Variants in FANCA observed in about 807,000 individuals in gnomAD.
FANCA encodes the protein Fanconi anemia group A protein.
FANCA carries 236 observed loss-of-function variants against 194.3 expected under a neutral mutation model. The observed-to-expected ratio is 1.21, with a 90% CI of 1.09 to 1.35. The LOEUF is 1.35. Ranked by LOEUF, FANCA falls within the 40% of genes most tolerant of loss-of-function variation. The pLI is 0.00. For synonymous variants in FANCA, 1,014 were observed against 715.8 expected (o/e 1.42, Z -6.65); for missense variants, 2,628 against 1,813.9 (o/e 1.45, Z -8.15).
intron 3 of FANCA, among the ~76,000 whole-genome samples, chr16:89,812,820 G>C (rs2040949895): frequency 6.6e-6 from 1 of 151,464 alleles, no homozygotes; most frequent in Admixed American, 6.6e-5. Context: ...CGATCACGAG[G>C]TCAGGAGTTT....
chr16:89,811,035 AC>A lies in FANCA; in HGVS notation c.319del (p.Val107PhefsTer31), dbSNP rs1411237340. 2 of 1,614,006 alleles carry A rather than the reference AC, an allele frequency of 1.2e-6. No homozygotes were observed. Among genetic ancestry groups the A allele is most frequent in the South Asian group, 1.1e-5 (1 of 91,084 alleles). ...ALQDQASRLG[V>X]PVGILSAGMV... The stretch of plus-strand genomic sequence containing the variant: ...CCCGGCTGAGAGAATACCCACGGGA[AC>A]CCCCAGCCTTGAGGCTTGATCCTGC... On this transcript the variant is annotated frameshift_variant, in exon 4 of 43. Transcript: ENST00000389301. LOFTEE classifies it high-confidence loss of function.
chr16:89,808,678 C>A (rs981043382), intron 5 of FANCA, among the ~76,000 whole-genome samples: 1 of 152,196 alleles, frequency 6.6e-6, no homozygotes, highest in Non-Finnish European at 1.5e-5. Context: ...CACAGTATTA[C>A]ACACACTGAC....
Position 89,740,686 on chromosome 16 carries a change from C to T in FANCA, c.3828+118G>A, listed in dbSNP as rs528172368. On this transcript the variant is annotated intron_variant, in intron 38 of 42. Transcript: ENST00000389301. ...GCCTGGGAGTTCTCACTCACACTTC[C>T]GCAAACACAAGGAGCTCCTGAGCTA... 4.7e-5 allele frequency: 38 copies of T among 808,044 alleles called. 1 individual carries two copies. The highest frequency in any genetic ancestry group is 2.4e-4 in the Middle Eastern group (1 of 4,126). 50.1% of individuals were successfully genotyped at this position (808,044 alleles called of 1,614,324 possible).
At chr16:89,764,772 C>G in intron 28 of FANCA, 118 bp downstream of exon 28, 1 of 1,213,848 alleles carries the variant, frequency 8.2e-7, no homozygotes, top group South Asian at 1.2e-5. Context: ...AGACTCGGGA[C>G]GTGGCATGAT....
chr16:89,774,637 G>C (rs1598118680), intron 21 of FANCA, among the ~76,000 whole-genome samples: 1 of 149,036 alleles, frequency 6.7e-6, no homozygotes, highest in Admixed American at 6.9e-5. Flanking sequence ...GGCTGAGGCA[G>C]GAGAATGGCA....
At chr16:89,764,071 G>A (rs567775541) in intron 28 of FANCA, among the ~76,000 whole-genome samples, 12 of 150,132 alleles carry the variant, frequency 8.0e-5, no homozygotes, top group African/African-American at 2.7e-4. Flanking sequence ...GTGAAACCCC[G>A]TCTGTACTAA....
rs1400810917 is a variant in FANCA at position 89,779,971 on chromosome 16, A to C, written c.1627-14T>G. The C allele has an allele frequency of 1.2e-6, 2 of 1,611,354 alleles. No homozygotes were observed. The highest frequency in any genetic ancestry group is 3.3e-5 in the Admixed American group (2 of 60,020). On this transcript the variant is annotated splice_polypyrimidine_tract_variant and intron_variant, in intron 17 of 42. Coordinates refer to ENST00000389301, the MANE Select transcript of FANCA (RefSeq NM_000135.4). The stretch of plus-strand genomic sequence containing the variant: ...TTGGCTGTGGGGCTGGTTCCCATAC[A>C]GGGAGGAAAGGAAAAAGAACAGAGG...
chr16:89,775,710 T>C (rs1436969072), intron 21 of FANCA, 32 bp downstream of exon 21: 4 of 1,575,606 alleles, frequency 2.5e-6, no homozygotes, highest in African/African-American at 1.3e-5. Flanking sequence ...AAAGCACAAG[T>C]CCCAGAGTGG....
chr16:89,812,790 T>C (rs1271022006), intron 3 of FANCA, among the ~76,000 whole-genome samples: 1 of 151,122 alleles, frequency 6.6e-6, no homozygotes, highest in Non-Finnish European at 1.5e-5. Context: ...ATCCCAACAC[T>C]GCAGGAGGCC....
rs571269424 is a variant in FANCA at position 89,762,946 on chromosome 16, C to T, written c.2779-924G>A. Reference sequence around the variant, plus strand: ...TGAAACCCTGTTTCTACTAAAAATACGAAAAAAAAAAAAAAAAAGGGTTGG... The same window carrying T: ...TGAAACCCTGTTTCTACTAAAAATATGAAAAAAAAAAAAAAAAAGGGTTGG... On this transcript the variant is annotated intron_variant, in intron 28 of 42. Coordinates refer to ENST00000389301, the MANE Select transcript of FANCA (RefSeq NM_000135.4). Among the ~76,000 whole-genome samples the T allele has an allele frequency of 4.0e-3, 277 of 68,812 alleles. 7 individuals are homozygous for T. The South Asian group carries it at 0.086, about 21-fold the overall frequency. The allele number at this position is 68,812 out of a possible 152,430, so 45.1% of individuals were successfully genotyped here. A position where few individuals can be genotyped will look rare whatever the true frequency, so the allele number is the denominator to read the frequency against.
intron 36 of FANCA, 31 bp from the exon 37 acceptor site, chr16:89,742,969 G>A (rs542018447): frequency 8.3e-5 from 133 of 1,605,126 alleles, no homozygotes; most frequent in Middle Eastern, 3.4e-4. Flanking sequence ...TCATTGCAGG[G>A]CCTTACAACC....
At chr16:89,774,688 C>A (rs2039436411) in intron 21 of FANCA, among the ~76,000 whole-genome samples, 1 of 136,534 alleles carries the variant, frequency 7.3e-6, no homozygotes, top group African/African-American at 2.7e-5. Flanking sequence ...TGAGATTGCG[C>A]CACTGCACTC....
At chr16:89,761,273 G>C (rs2038942784) in intron 29 of FANCA, among the ~76,000 whole-genome samples, 1 of 152,002 alleles carries the variant, frequency 6.6e-6, no homozygotes, top group Non-Finnish European at 1.5e-5. Context: ...CAAAAAATTA[G>C]CTGGGTATGG....
rs17232225 is a variant in FANCA at position 89,808,799 on chromosome 16, C to T, written c.523-432G>A. ...CCTTGTCTTTCTCACTCAACCCTCT[C>T]CCATTTGATAAAACAGGATCTGCTT... On this transcript the variant is annotated intron_variant, in intron 5 of 42. Transcript: ENST00000389301. Among the ~76,000 whole-genome samples the T allele has an allele frequency of 6.5e-3, 993 of 152,298 alleles. 10 individuals carry two copies. Among genetic ancestry groups the T allele is most frequent in the African/African-American group, 0.023 (953 of 41,562 alleles).
rs760945805 is a variant in FANCA at position 89,738,906 on chromosome 16, T to C, written c.4236A>G (p.Lys1412=). 5 of 1,614,252 alleles carry C rather than the reference T, an allele frequency of 3.1e-6. No homozygotes were observed. The East Asian group carries it at 1.1e-4, about 36-fold the overall frequency. ...FLLQLIPRCP[K]KSFSHVAELL... is the part of the protein sequence containing the mutation. Reference sequence around the variant, plus strand: ...CCTCTGCCACGTGTGAGAAGCTCTTTTTCGGGCACCGAGGTATTAACTGCA... The same window carrying C: ...CCTCTGCCACGTGTGAGAAGCTCTTCTTCGGGCACCGAGGTATTAACTGCA... The change falls in exon 42 of 43, where the codon AAA becomes AAG. Residue 1412 remains lysine (K), a synonymous_variant. Coordinates refer to ENST00000389301, the MANE Select transcript of FANCA (RefSeq NM_000135.4).
chr16:89,759,096 G>A (rs944933201), intron 29 of FANCA, among the ~76,000 whole-genome samples: 20 of 151,814 alleles, frequency 1.3e-4, no homozygotes, highest in East Asian at 3.9e-4. Context: ...TCAGGCGGGC[G>A]GATCACGAGG....
At chr16:89,767,841 A>C (rs947480405) in intron 26 of FANCA, among the ~76,000 whole-genome samples, 15 of 152,046 alleles carry the variant, frequency 9.9e-5, no homozygotes, top group African/African-American at 3.6e-4. Context: ...AGTCACTGCA[A>C]CCAGTCGAGT....
chr16:89,738,516 C>A lies in FANCA; in HGVS notation c.*85G>T. 1.9e-6 allele frequency: 3 copies of A among 1,596,216 alleles called. No homozygotes were observed. The highest frequency in any genetic ancestry group is 2.6e-6 in the Non-Finnish European group (3 of 1,167,016). On this transcript the variant is annotated 3_prime_UTR_variant, in exon 43 of 43. Coordinates refer to ENST00000389301, the MANE Select transcript of FANCA (RefSeq NM_000135.4). ...AGCAGTCGAGGAGATTTGTAATCCA[C>A]TTTTTAGTGCAACAAGAGCTCCATG...
At chr16:89,796,125 G>A in intron 10 of FANCA, 107 bp from the exon 11 acceptor site, 1 of 848,858 alleles carries the variant, frequency 1.2e-6, no homozygotes, top group Non-Finnish European at 2.0e-6. Flanking sequence ...TTTAAGCAAG[G>A]AAGGGGCTTT....
Sources: gnomAD v4.1 joint callset for allele counts (sites outside exome capture counted in the v4.1 genomes callset) on GRCh38, gnomAD v4.1.1 for gene constraint, MANE v1.5 for transcripts, NCBI Gene and HGNC (gene_info 2026-07-23, HGNC 2026-07-21) for gene names.